Variants in L3MBTL3 observed in about 807,000 individuals in gnomAD.
L3MBTL3 encodes the protein lethal(3)malignant brain tumor-like protein 3.
In L3MBTL3, 27 loss-of-function variants were observed where a neutral mutation model predicts 102.3. That is an observed-to-expected ratio of 0.26 (90% CI 0.19 to 0.36). L3MBTL3 has a LOEUF of 0.36. Ranked by LOEUF, L3MBTL3 falls within the 10% of genes least tolerant of loss-of-function variation. L3MBTL3 has a pLI of 1.00. For synonymous variants in L3MBTL3, 340 were observed against 320.9 expected, an observed-to-expected ratio of 1.06 and a Z score of -0.64; for missense variants, 798 against 955.3, an observed-to-expected ratio of 0.84 and a Z score of 2.17.
At chr6:130,039,561 A>G (rs1780285169) in intron 2 of L3MBTL3, among the ~76,000 whole-genome samples, 1 of 151,512 alleles carries the variant, frequency 6.6e-6, no homozygotes, top group Admixed American at 6.6e-5. Flanking sequence ...TTTCACTTCT[A>G]AAAATGGTTG....
chr6:130,087,677 A>G (rs552669743), intron 16 of L3MBTL3, among the ~76,000 whole-genome samples: 4 of 152,308 alleles, frequency 2.6e-5, no homozygotes, highest in Admixed American at 2.6e-4. Context: ...AGGAAAATAT[A>G]TCAGTGCTGT....
At chr6:130,129,353 T>G (rs1030845289) in intron 20 of L3MBTL3, among the ~76,000 whole-genome samples, 1 of 152,218 alleles carries the variant, frequency 6.6e-6, no homozygotes, top group Non-Finnish European at 1.5e-5. Context: ...ATGAATATTA[T>G]TATTTTTCTC....
chr6:130,125,723 G>A (rs4112332), intron 20 of L3MBTL3, among the ~76,000 whole-genome samples: 1 of 152,138 alleles, frequency 6.6e-6, no homozygotes, highest in Non-Finnish European at 1.5e-5. Context: ...TTCAAACCTA[G>A]CCTGGCTGGG....
chr6:130,120,931 G>A lies in L3MBTL3; in HGVS notation c.1939G>A (p.Glu647Lys). ...KEDFEERTES[E>K]MRTSHEARGA... The stretch of plus-strand genomic sequence containing the variant: ...AGACTTTGAAGAGAGAACAGAAAGT[G>A]AAATGAGAACATCACATGAAGCCAG... The change falls in exon 20 of 23, where the codon GAA becomes AAA. Residue 647 changes from glutamate (E) to lysine (K), a missense_variant. Physicochemically the swap from Glu to Lys is moderately conservative, Grantham distance 56 (BLOSUM62 1). Transcript: ENST00000361794. The A allele has an allele frequency of 6.2e-7, 1 of 1,612,542 alleles. No individual in the cohort carries two copies. Among genetic ancestry groups the A allele is most frequent in the Middle Eastern group, 1.7e-4 (1 of 6,042 alleles).
chr6:130,028,646 G>C lies in L3MBTL3; in HGVS notation c.-16+6341G>C, dbSNP rs910577781. Among the ~76,000 whole-genome samples the C allele has an allele frequency of 7.2e-5, 11 of 152,306 alleles. No homozygotes were observed. The East Asian group carries it at 2.1e-3, about 29-fold the overall frequency. The stretch of plus-strand genomic sequence containing the variant: ...GTGATTCAGAGTACTTATCAGGCAG[G>C]ATGAGTAGCATATCAAAGGTGGTCT... On this transcript the variant is annotated intron_variant, in intron 2 of 22. Transcript: ENST00000361794.
At chr6:130,081,882 G>T (rs934391027) in intron 14 of L3MBTL3, among the ~76,000 whole-genome samples, 2 of 152,128 alleles carry the variant, frequency 1.3e-5, no homozygotes, top group Non-Finnish European at 2.9e-5. Context: ...GATCTCAGTT[G>T]TCAGATCCCT....
chr6:130,090,570 GTCTTTTTTCTTCTTCT>G (rs1783978489), intron 16 of L3MBTL3, among the ~76,000 whole-genome samples: 1 of 151,902 alleles, frequency 6.6e-6, no homozygotes, highest in Non-Finnish European at 1.5e-5. Context: ...GAAAGCAATT[GTCTTTTTTCTTCTTCT>G]TCTTTTTTCT....
intron 19 of L3MBTL3, among the ~76,000 whole-genome samples, chr6:130,117,452 CT>C (rs1785791085): frequency 6.6e-6 from 1 of 152,090 alleles, no homozygotes; most frequent in Non-Finnish European, 1.5e-5. Context: ...ATCTTTTACT[CT>C]GCTCCAGAGT....
intron 18 of L3MBTL3, among the ~76,000 whole-genome samples, chr6:130,098,548 G>A (rs1784492039): frequency 6.6e-6 from 1 of 152,184 alleles, no homozygotes; most frequent in South Asian, 2.1e-4. Flanking sequence ...GGGGTTAAAT[G>A]TCACTCTTCT....
At chr6:130,100,001 A>C (rs1047827300) in intron 18 of L3MBTL3, among the ~76,000 whole-genome samples, 4 of 152,208 alleles carry the variant, frequency 2.6e-5, no homozygotes, top group African/African-American at 9.7e-5. Flanking sequence ...TGGGTTAGGA[A>C]TAAGGAAATT....
chr6:130,021,457 T>C (rs1779010690), intron 1 of L3MBTL3, among the ~76,000 whole-genome samples: 1 of 152,236 alleles, frequency 6.6e-6, no homozygotes, highest in Admixed American at 6.5e-5. Context: ...AAAGACACTT[T>C]GCTTTTATTC....
At chr6:130,137,092 A>G (rs912009615) in intron 22 of L3MBTL3, among the ~76,000 whole-genome samples, 2 of 152,226 alleles carry the variant, frequency 1.3e-5, no homozygotes, top group Non-Finnish European at 2.9e-5. Context: ...TTTGGAATAT[A>G]ATAGACATTC....
At chr6:130,116,677 T>G (rs1319827095) in intron 19 of L3MBTL3, among the ~76,000 whole-genome samples, 3 of 151,948 alleles carry the variant, frequency 2.0e-5, no homozygotes, top group African/African-American at 7.3e-5. Flanking sequence ...CACTTGAGCA[T>G]GAGTTTGAGG....
chr6:130,080,015 G>C (rs1025130967), intron 14 of L3MBTL3, among the ~76,000 whole-genome samples: 5 of 152,290 alleles, frequency 3.3e-5, no homozygotes, highest in Admixed American at 1.3e-4. Flanking sequence ...AGCACTTTGG[G>C]AGGCTGAGGC....
At chr6:130,045,713 A>G (rs546333430) in intron 3 of L3MBTL3, among the ~76,000 whole-genome samples, 1 of 152,330 alleles carries the variant, frequency 6.6e-6, no homozygotes, top group Admixed American at 6.5e-5. Flanking sequence ...AATTTATTTC[A>G]GCTGGAGGGA....
rs144881276 is a variant in L3MBTL3, at chr6:130,029,756, C to T, written c.-16+7451C>T. 7.2e-5 allele frequency among the ~76,000 whole-genome samples: 11 copies of T among 152,204 alleles called. No homozygotes were observed. The East Asian group carries it at 2.1e-3, about 29-fold the overall frequency. ...TTCATTCCTCTGCCCTGTGAGACTT[C>T]AGAGATCTGATAAACTGGTTCTTGG... On this transcript the variant is annotated intron_variant, in intron 2 of 22. Coordinates refer to ENST00000361794, the MANE Select transcript of L3MBTL3 (RefSeq NM_032438.4).
At chr6:130,114,427 C>A (rs1785538229) in intron 19 of L3MBTL3, among the ~76,000 whole-genome samples, 1 of 152,190 alleles carries the variant, frequency 6.6e-6, no homozygotes, top group South Asian at 2.1e-4. Flanking sequence ...ACAACAACAA[C>A]AACAAAGTAA....
At chr6:130,029,364 G>T (rs918283195) in intron 2 of L3MBTL3, among the ~76,000 whole-genome samples, 10 of 152,130 alleles carry the variant, frequency 6.6e-5, no homozygotes, top group Non-Finnish European at 1.3e-4. Flanking sequence ...GTTTGCCTGT[G>T]TACCAGCTCT....
intron 20 of L3MBTL3, among the ~76,000 whole-genome samples, chr6:130,123,487 A>G (rs1341640645): frequency 6.6e-6 from 1 of 152,142 alleles, no homozygotes; most frequent in South Asian, 2.1e-4. Flanking sequence ...ACATATTTTT[A>G]TAGGTGAGAT....
Sources: gnomAD v4.1 joint callset for allele counts (sites outside exome capture counted in the v4.1 genomes callset) on GRCh38, gnomAD v4.1.1 for gene constraint, MANE v1.5 for transcripts, NCBI Gene and HGNC (gene_info 2026-07-23, HGNC 2026-07-21) for gene names.